Variants in SNX21 observed in about 807,000 individuals in gnomAD.
The protein encoded by SNX21 is sorting nexin family member 21, also known as sorting nexin-21.
A neutral mutation model predicts 30.9 loss-of-function variants in SNX21; 36 were observed. The ratio of observed to expected loss-of-function variants is 1.16; its 90% confidence interval spans 0.89 to 1.54. The LOEUF (loss-of-function observed/expected upper bound fraction) is 1.54, where lower values mean the gene tolerates loss of function less well. SNX21 is among the 40% of genes most tolerant of loss of function. SNX21 has a pLI of 0.00. For synonymous variants in SNX21, 218 were observed against 222.7 expected, an observed-to-expected ratio of 0.98 and a Z score of 0.19; for missense variants, 508 against 516.5, an observed-to-expected ratio of 0.98 and a Z score of 0.16.
chr20:45,834,786 C>A, intron 2 of SNX21, 173 bp from the exon 3 acceptor site: 1 of 826,852 alleles, frequency 1.2e-6, no homozygotes, highest in Non-Finnish European at 1.9e-6. Context: ...TTAGCCCCTA[C>A]TGTCTGCCAG....
Position 45,841,177 on chromosome 20 carries a change from A to G in SNX21, c.986A>G (p.His329Arg). 2 of 1,613,904 alleles carry G rather than the reference A, an allele frequency of 1.2e-6. No individual in the cohort carries two copies. Among genetic ancestry groups the G allele is most frequent in the South Asian group, 1.1e-5 (1 of 91,082 alleles). ...HPLLAPFLEA[H>R]VRLSWRLGLD... is the part of the protein sequence containing the mutation. The stretch of plus-strand genomic sequence containing the variant: ...TTGCTGGCACCCTTTCTGGAGGCCC[A>G]TGTCCGGCTCTCCTGGCGCCTGGGC... Residue 329 changes from histidine (H) to arginine (R), a missense_variant, in exon 4 of 4, where the codon CAT becomes CGT. Coordinates refer to ENST00000491381, the MANE Select transcript of SNX21 (RefSeq NM_033421.4).
rs754813571 is a variant in SNX21 at position 45,840,978 on chromosome 20, T to TG, written c.790dup (p.Ala264GlyfsTer44). Reference sequence around the variant, plus strand: ...CCTCTATCGTGAGGCTCTGGCACTCTGGGCCAATGCCTGGCAGCTGCAAGC... The same window carrying TG: ...CCTCTATCGTGAGGCTCTGGCACTCTGGGGCCAATGCCTGGCAGCTGCAAGC... On this transcript the variant is annotated frameshift_variant, in exon 4 of 4. Transcript: ENST00000491381. LOFTEE classifies it high-confidence loss of function. 6 of 1,610,586 alleles carry TG rather than the reference T, an allele frequency of 3.7e-6. No homozygotes were observed. In the African/African-American group the frequency reaches 8.0e-5, roughly 22 times the overall value.
intron 3 of SNX21, among the ~76,000 whole-genome samples, chr20:45,838,628 C>T (rs1173742006): frequency 6.6e-6 from 1 of 151,920 alleles, no homozygotes; most frequent in Non-Finnish European, 1.5e-5. Flanking sequence ...GTGGTAGGCG[C>T]CTGTAATCCC....
intron 1 of SNX21, 47 bp downstream of exon 1, chr20:45,833,987 C>A: frequency 7.0e-7 from 1 of 1,432,440 alleles, no homozygotes; most frequent in Non-Finnish European, 9.1e-7. Context: ...GGGTCCTGAG[C>A]CCCTCCGGGG....
rs771182998 is a variant in SNX21 at position 45,834,992 on chromosome 20, G to A, written c.323G>A (p.Ser108Asn). Residue 108 changes from serine (S) to asparagine (N), a missense_variant, in exon 3 of 4, where the codon AGT becomes AAT. Transcript: ENST00000491381. ...RSPPPDGQWG[S>N]QLLARQLQDF... ...CCCCCACCTGATGGGCAGTGGGGCA[G>A]TCAGCTCCTGGCGCGGCAGCTGCAG... 2 of 1,614,180 alleles carry A rather than the reference G, an allele frequency of 1.2e-6. No individual in the cohort carries two copies. Among genetic ancestry groups the A allele is most frequent in the Non-Finnish European group, 1.7e-6 (2 of 1,180,008 alleles).
intron 3 of SNX21, 107 bp downstream of exon 3, chr20:45,835,223 C>A: frequency 7.8e-7 from 1 of 1,281,432 alleles, no homozygotes; most frequent in Non-Finnish European, 1.0e-6. Flanking sequence ...TAAATGGTTA[C>A]CTTGTTTACA....
rs915694888 is a variant in SNX21, at chr20:45,834,345, C to T, written c.166C>T (p.Arg56Ter). The T allele has an allele frequency of 2.7e-5, 43 of 1,600,576 alleles. No homozygotes were observed. The highest frequency in any genetic ancestry group is 3.6e-5 in the Non-Finnish European group (42 of 1,177,548). Reference sequence around the variant, plus strand: ...CGACGACGCCGAGGGCCTGTCCTCCCGACTCAGCGGCACCCTCAGCTTCAC... The same window carrying T: ...CGACGACGCCGAGGGCCTGTCCTCCTGACTCAGCGGCACCCTCAGCTTCAC... ...EDDDAEGLSS[R>*]LSGTLSFTSA... Residue 56 changes from arginine (R) to a stop codon, truncating the protein, a stop_gained, in exon 2 of 4, where the codon CGA becomes TGA. Coordinates refer to ENST00000491381, the MANE Select transcript of SNX21 (RefSeq NM_033421.4). LOFTEE classifies it high-confidence loss of function.
chr20:45,841,276 G>C lies in SNX21; in HGVS notation c.1085G>C (p.Ser362Thr). 1 of 1,585,276 alleles carries C rather than the reference G, an allele frequency of 6.3e-7. No individual in the cohort carries two copies. Among genetic ancestry groups the C allele is most frequent in the East Asian group, 2.2e-5 (1 of 44,694 alleles). ...EAGLTPTPPPSLKELLIKEVL... is the reference protein window; with the variant it reads ...EAGLTPTPPPTLKELLIKEVL... ...GGCCTTACCCCCACACCACCCCCCA[G>C]TCTCAAAGAATTGCTCATCAAGGAG... is the stretch of plus-strand genomic sequence containing the variant. The change falls in exon 4 of 4, where the codon AGT becomes ACT. Residue 362 changes from serine to threonine, a missense_variant. By Grantham distance (58) the Ser-to-Thr change is moderately conservative. Coordinates refer to ENST00000491381, the MANE Select transcript of SNX21 (RefSeq NM_033421.4).
Position 45,842,158 on chromosome 20 carries a change from C to A in SNX21, c.*845C>A, listed in dbSNP as rs575090228. 214 of 1,523,532 alleles carry A rather than the reference C, an allele frequency of 1.4e-4. 3 individuals are homozygous for A. The South Asian group carries it at 2.5e-3, about 18-fold the overall frequency. 94.4% of individuals were successfully genotyped at this position (1,523,532 alleles called of 1,614,324 possible). A position where few individuals can be genotyped will look rare whatever the true frequency, so the allele number is the denominator to read the frequency against. On this transcript the variant is annotated 3_prime_UTR_variant, in exon 4 of 4. Transcript: ENST00000491381. ...GCCCAACCTCCAAGTGGACTTCTTG[C>A]AAAGGGTCTGGCCCAGGGCAGGGCT...
At position 45,842,116 on chromosome 20, in the gene SNX21, C is replaced by T. The variant is rs1167554303; in HGVS notation, c.*803C>T. ...TCAGCCTCCTGAGCAGCTGGGATTA[C>T]AGGCGCACATCACCATGCCCAACCT... On this transcript the variant is annotated 3_prime_UTR_variant, in exon 4 of 4. Coordinates refer to ENST00000491381, the MANE Select transcript of SNX21 (RefSeq NM_033421.4). 3 of 1,534,178 alleles carry T rather than the reference C, an allele frequency of 2.0e-6. No individual in the cohort carries two copies. Among genetic ancestry groups the T allele is most frequent in the African/African-American group, 1.4e-5 (1 of 72,756 alleles).
In SNX21 at chr20:45,840,933, CAG is replaced by C. The variant is rs746067471; in HGVS notation, c.745_746del (p.Ser249ProfsTer9). On this transcript the variant is annotated frameshift_variant, in exon 4 of 4. Coordinates refer to ENST00000491381, the MANE Select transcript of SNX21 (RefSeq NM_033421.4). LOFTEE classifies it high-confidence loss of function. ...FFVLPELRRAQSLTCTGLYRE... is the reference protein window; with the variant it reads ...FFVLPELRRAXSLTCTGLYRE... The stretch of plus-strand genomic sequence containing the variant: ...CGTGCTGCCGGAGCTGCGGCGGGCA[CAG>C]AGCCTCACCTGTACTGGCCTCTATC... 7 of 1,611,708 alleles carry C rather than the reference CAG, an allele frequency of 4.3e-6. No homozygotes were observed. In the Admixed American group the frequency reaches 1.2e-4, roughly 27 times the overall value.
Position 45,841,013 on chromosome 20 carries a change from C to G in SNX21, c.822C>G (p.Gly274=). The change falls in exon 4 of 4, where the codon GGC becomes GGG. Residue 274 remains glycine, a synonymous_variant. Transcript: ENST00000491381. ...ANAWQLQAQL[G]TPSGPDRPLL... ...CCTGGCAGCTGCAAGCCCAGCTGGG[C>G]ACCCCCTCTGGCCCAGACCGCCCCC... 1 of 1,609,578 alleles carries G rather than the reference C, an allele frequency of 6.2e-7. No homozygotes were observed. Among genetic ancestry groups the G allele is most frequent in the Non-Finnish European group, 8.5e-7 (1 of 1,179,048 alleles).
At position 45,842,295 on chromosome 20, in the gene SNX21, T is replaced by A. The variant is rs1984259788; in HGVS notation, c.*982T>A. On this transcript the variant is annotated 3_prime_UTR_variant, in exon 4 of 4. Transcript: ENST00000491381. The stretch of plus-strand genomic sequence containing the variant: ...CTCCCACAGGAACCCCAGTTGACAG[T>A]TTAAAAGCACTTTCACACCTCTCCT... 4.2e-6 allele frequency: 6 copies of A among 1,423,426 alleles called. No homozygotes were observed. The South Asian group carries it at 9.3e-5, about 22-fold the overall frequency. 88.2% of individuals were successfully genotyped at this position (1,423,426 alleles called of 1,614,324 possible).
chr20:45,840,848 T>A lies in SNX21; in HGVS notation c.657T>A (p.Phe219Leu). The A allele has an allele frequency of 2.5e-6, 4 of 1,613,894 alleles. No homozygotes were observed. The highest frequency in any genetic ancestry group is 3.4e-6 in the Non-Finnish European group (4 of 1,180,024). Reference sequence around the variant, plus strand: ...GCCGTAGCCGGGCCTTTGAGCAGTTTTTGGGTCACCTGCAGGCAGTGCCTG... The same window carrying A: ...GCCGTAGCCGGGCCTTTGAGCAGTTATTGGGTCACCTGCAGGCAGTGCCTG... ...IARRSRAFEQFLGHLQAVPEL... is the reference protein window; with the variant it reads ...IARRSRAFEQLLGHLQAVPEL... Residue 219 changes from phenylalanine (F) to leucine (L), a missense_variant, in exon 4 of 4, where the codon TTT (phenylalanine) becomes TTA (leucine). Physicochemically the swap from Phe to Leu is conservative, Grantham distance 22 (BLOSUM62 0). Coordinates refer to ENST00000491381, the MANE Select transcript of SNX21 (RefSeq NM_033421.4).
chr20:45,842,956 G>T lies in SNX21; in HGVS notation c.*1643G>T. 1 of 1,010,710 alleles carries T rather than the reference G, an allele frequency of 9.9e-7. No individual in the cohort carries two copies. The highest frequency in any genetic ancestry group is 1.2e-6 in the Non-Finnish European group (1 of 843,944). The allele number at this position is 1,010,710 out of a possible 1,614,324, so 62.6% of individuals were successfully genotyped here. ...GTTCTGAAGCTAGACATTGATGAAC[G>T]AGTCTTGTTTCTCTCCCCTGCAAGG... On this transcript the variant is annotated 3_prime_UTR_variant, in exon 4 of 4. Coordinates refer to ENST00000491381, the MANE Select transcript of SNX21 (RefSeq NM_033421.4).
chr20:45,835,167 G>C, intron 3 of SNX21, 51 bp downstream of exon 3: 1 of 1,548,876 alleles, frequency 6.5e-7, no homozygotes, highest in Non-Finnish European at 8.7e-7. Flanking sequence ...GTATGGCTAG[G>C]AGCAAGTAGG....
intron 2 of SNX21, 21 bp downstream of exon 2, chr20:45,834,489 G>A (rs1467043014): frequency 1.9e-6 from 3 of 1,581,398 alleles, no homozygotes; most frequent in Middle Eastern, 1.7e-4. Context: ...GAGGACGGAG[G>A]CGGGAACCCT....
chr20:45,834,750 G>T (rs182807610), intron 2 of SNX21: 6 of 687,316 alleles, frequency 8.7e-6, no homozygotes, highest in South Asian at 7.6e-5. Context: ...ATGTATTAAC[G>T]ATATTTTGAG....
rs765200560 is a variant in SNX21, at chr20:45,842,733, G to C, written c.*1420G>C. 3.0e-6 allele frequency: 3 copies of C among 989,168 alleles called. No individual in the cohort carries two copies. The highest frequency in any genetic ancestry group is 3.6e-6 in the Non-Finnish European group (3 of 832,360). 61.3% of individuals were successfully genotyped at this position (989,168 alleles called of 1,614,324 possible). A position where few individuals can be genotyped will look rare whatever the true frequency, so the allele number is the denominator to read the frequency against. On this transcript the variant is annotated 3_prime_UTR_variant, in exon 4 of 4. Coordinates refer to ENST00000491381, the MANE Select transcript of SNX21 (RefSeq NM_033421.4). ...CAGACCAGGACTGAAATCCAGAGAG[G>C]GTCAGGAATTTGGCCCCATGATGAA...
Sources: allele counts gnomAD v4.1 joint callset (sites outside exome capture counted in the v4.1 genomes callset), GRCh38; gene constraint gnomAD v4.1.1; transcripts MANE v1.5; gene names NCBI Gene and HGNC (gene_info 2026-07-23, HGNC 2026-07-21).